The following ZNF804B variants were observed in gnomAD, a reference collection of about 807,000 sequenced individuals.
ZNF804B encodes zinc finger 804B.
Under a neutral mutation model 101.4 loss-of-function variants are expected in ZNF804B, and 80 were observed. That is an observed-to-expected ratio of 0.79 (90% CI 0.66 to 0.95). ZNF804B has a LOEUF of 0.95. ZNF804B is among the 40% of genes least tolerant of loss of function. The pLI is 0.00. For missense variants in ZNF804B, 1,673 were observed against 1,561.9 expected (o/e 1.07, Z -1.20); for synonymous variants, 622 against 558.8 (o/e 1.11, Z -1.59).
intron 1 of ZNF804B, among the ~76,000 whole-genome samples, chr7:89,156,775 A>G (rs548461619): frequency 6.6e-6 from 1 of 152,256 alleles, no homozygotes; most frequent in African/African-American, 2.4e-5. Context: ...AAGTGTCTGT[A>G]TGTTTGGAAG....
At chr7:88,859,252 T>A (rs1269621065) in intron 1 of ZNF804B, among the ~76,000 whole-genome samples, 1 of 151,932 alleles carries the variant, frequency 6.6e-6, no homozygotes, top group Admixed American at 6.6e-5. Context: ...TGTAGTGTTT[T>A]GTCTATATTT....
intron 1 of ZNF804B, among the ~76,000 whole-genome samples, chr7:89,056,247 A>C (rs1268213023): frequency 6.6e-6 from 1 of 152,084 alleles, no homozygotes; most frequent in Non-Finnish European, 1.5e-5. Flanking sequence ...GTCCTGTAGC[A>C]TAGGATAAAT....
intron 1 of ZNF804B, among the ~76,000 whole-genome samples, chr7:89,053,079 T>G (rs1159652613): frequency 6.6e-6 from 1 of 152,172 alleles, no homozygotes; most frequent in Non-Finnish European, 1.5e-5. Flanking sequence ...GGTATAATTA[T>G]AACAGTTTTA....
intron 1 of ZNF804B, among the ~76,000 whole-genome samples, chr7:88,881,675 C>CA (rs909911036): frequency 7.9e-5 from 12 of 151,528 alleles, no homozygotes; most frequent in Non-Finnish European, 1.0e-4. Flanking sequence ...CATATCAGGA[C>CA]AAAAAAAATA....
At chr7:89,191,974 A>C (rs1431410211) in intron 1 of ZNF804B, among the ~76,000 whole-genome samples, 1 of 151,738 alleles carries the variant, frequency 6.6e-6, no homozygotes, top group Non-Finnish European at 1.5e-5. Context: ...ATGAAATAAG[A>C]AATAATTATA....
chr7:89,137,373 G>T (rs1338130323), intron 1 of ZNF804B, among the ~76,000 whole-genome samples: 1 of 152,006 alleles, frequency 6.6e-6, no homozygotes, highest in Non-Finnish European at 1.5e-5. Flanking sequence ...AATGGCTTTG[G>T]CGAAAATTCT....
At chr7:88,916,658 A>G (rs1243932232) in intron 1 of ZNF804B, among the ~76,000 whole-genome samples, 1 of 152,186 alleles carries the variant, frequency 6.6e-6, no homozygotes, top group Non-Finnish European at 1.5e-5. Context: ...GTTAGATTAT[A>G]TCAAACTTTT....
chr7:88,932,678 G>C (rs11982742), intron 1 of ZNF804B, among the ~76,000 whole-genome samples: 9 of 151,120 alleles, frequency 6.0e-5, no homozygotes, highest in African/African-American at 2.2e-4. Flanking sequence ...AAATATACAG[G>C]CTCCTAGATT....
chr7:89,007,515 TATAATATAATATATCTATTATAA>T (rs1788385580), intron 1 of ZNF804B, among the ~76,000 whole-genome samples: 2 of 6,990 alleles, frequency 2.9e-4, no homozygotes, highest in Non-Finnish European at 2.5e-4. Flanking sequence ...TATAATTATA[TATAATATAATATATCTATTATAA>T]TTATATATAA....
rs1207364987 is a variant in ZNF804B at position 88,843,724 on chromosome 7, G to A, written c.108+83640G>A. Among the ~76,000 whole-genome samples, 6 of 152,136 alleles carry A rather than the reference G, an allele frequency of 3.9e-5. No homozygotes were observed. The South Asian group carries it at 6.2e-4, about 16-fold the overall frequency. On this transcript the variant is annotated intron_variant, in intron 1 of 3. Transcript: ENST00000333190. Reference sequence around the variant, plus strand: ...TGTACTCCAGCCTGGCTGACAGAGCGAGACTCTGTCTCAAAAGAAAAAAAA... The same window carrying A: ...TGTACTCCAGCCTGGCTGACAGAGCAAGACTCTGTCTCAAAAGAAAAAAAA...
intron 1 of ZNF804B, among the ~76,000 whole-genome samples, chr7:88,996,132 T>C (rs1440433390): frequency 6.6e-6 from 1 of 152,056 alleles, no homozygotes; most frequent in Admixed American, 6.6e-5. Context: ...TATATCAATA[T>C]TGATTCATTA....
chr7:89,127,312 G>T (rs1266911382), intron 1 of ZNF804B, among the ~76,000 whole-genome samples: 1 of 151,904 alleles, frequency 6.6e-6, no homozygotes, highest in East Asian at 1.9e-4. Flanking sequence ...TTTTTGGTCT[G>T]TTTTTCAACT....
At chr7:89,020,073 A>G (rs1422363458) in intron 1 of ZNF804B, among the ~76,000 whole-genome samples, 1 of 152,100 alleles carries the variant, frequency 6.6e-6, no homozygotes, top group Middle Eastern at 3.2e-3. Flanking sequence ...AAGTTGTGAC[A>G]ATGCAGCCAC....
chr7:89,055,813 C>A (rs1429630915), intron 1 of ZNF804B, among the ~76,000 whole-genome samples: 2 of 152,120 alleles, frequency 1.3e-5, no homozygotes, highest in Non-Finnish European at 2.9e-5. Flanking sequence ...TAGAGCTGCA[C>A]AGGAACAAGT....
intron 2 of ZNF804B, among the ~76,000 whole-genome samples, chr7:89,220,744 T>A (rs1788993035): frequency 6.6e-6 from 1 of 151,960 alleles, no homozygotes; most frequent in East Asian, 1.9e-4. Flanking sequence ...ATTTGTAAAT[T>A]TGAGTTCATT....
chr7:89,044,908 G>A (rs574003437), intron 1 of ZNF804B, among the ~76,000 whole-genome samples: 36 of 152,304 alleles, frequency 2.4e-4, no homozygotes, highest in African/African-American at 7.9e-4. Context: ...ACAAGGAGCC[G>A]AATGTTAATC....
rs535749214 is a variant in ZNF804B, at chr7:89,260,348, T to C, written c.249+42053T>C. Among the ~76,000 whole-genome samples the C allele has an allele frequency of 2.7e-5, 3 of 111,762 alleles. No individual in the cohort carries two copies. In the South Asian group the frequency reaches 8.6e-4, roughly 32 times the overall value. 73.3% of individuals were successfully genotyped at this position (111,762 alleles called of 152,430 possible). Reference sequence around the variant, plus strand: ...TACTAATAAATGTCCTTTGTGGCACTTTTTTTTTTGAATAAGGTACTTTTT... The same window carrying C: ...TACTAATAAATGTCCTTTGTGGCACCTTTTTTTTTGAATAAGGTACTTTTT... On this transcript the variant is annotated intron_variant, in intron 2 of 3. Transcript: ENST00000333190.
intron 1 of ZNF804B, among the ~76,000 whole-genome samples, chr7:88,974,437 A>C (rs1793584627): frequency 6.6e-6 from 1 of 151,248 alleles, no homozygotes; most frequent in South Asian, 2.1e-4. Context: ...AGATTTAGTC[A>C]TTCCACTAAT....
chr7:88,980,384 T>C (rs1238935118), intron 1 of ZNF804B, among the ~76,000 whole-genome samples: 1 of 152,044 alleles, frequency 6.6e-6, no homozygotes, highest in Non-Finnish European at 1.5e-5. Context: ...TGTTTGGGCA[T>C]TGAGGAGTTA....
Sources: allele counts gnomAD v4.1 joint callset (sites outside exome capture counted in the v4.1 genomes callset), GRCh38; gene constraint gnomAD v4.1.1; transcripts MANE v1.5; gene names NCBI Gene and HGNC (gene_info 2026-07-23, HGNC 2026-07-21).